Variants in PTPRM observed in about 807,000 individuals in gnomAD.
PTPRM encodes the protein protein tyrosine phosphatase receptor type M, also known as receptor-type tyrosine-protein phosphatase mu.
A neutral mutation model predicts 186.7 loss-of-function variants in PTPRM; 47 were observed. The ratio of observed to expected loss-of-function variants is 0.25; its 90% confidence interval spans 0.20 to 0.32. PTPRM has a LOEUF of 0.32. Among genes scored for constraint, PTPRM ranks in the 10% least tolerant of loss-of-function variants. The pLI is 1.00. For missense variants in PTPRM, 1,494 were observed against 1,865.0 expected, an observed-to-expected ratio of 0.80 and a Z score of 3.66; for synonymous variants, 668 against 674.9, an observed-to-expected ratio of 0.99 and a Z score of 0.16.
At chr18:7,780,705 C>G (rs1024011200) in intron 2 of PTPRM, among the ~76,000 whole-genome samples, 4 of 152,044 alleles carry the variant, frequency 2.6e-5, no homozygotes, top group African/African-American at 9.7e-5. Flanking sequence ...AGGCAGTCCA[C>G]AGGTAAGGGT....
At chr18:7,932,049 G>A (rs79505015) in intron 5 of PTPRM, among the ~76,000 whole-genome samples, 4 of 152,292 alleles carry the variant, frequency 2.6e-5, no homozygotes, top group East Asian at 1.9e-4. Flanking sequence ...TCTTGTAATC[G>A]TTGTAGAGGT....
intron 7 of PTPRM, among the ~76,000 whole-genome samples, chr18:7,964,897 T>C (rs2053921535): frequency 6.6e-6 from 1 of 152,074 alleles, no homozygotes; most frequent in African/African-American, 2.4e-5. Context: ...GGCAAAAAAA[T>C]AGAATAACTG....
At chr18:7,817,202 T>G (rs2044883064) in intron 2 of PTPRM, among the ~76,000 whole-genome samples, 1 of 152,186 alleles carries the variant, frequency 6.6e-6, no homozygotes, top group South Asian at 2.1e-4. Flanking sequence ...CTTGAACTCC[T>G]GACCTCAGGT....
intron 7 of PTPRM, among the ~76,000 whole-genome samples, chr18:8,048,720 A>C (rs2087249060): frequency 6.6e-6 from 1 of 152,202 alleles, no homozygotes; most frequent in African/African-American, 2.4e-5. Context: ...AAAACTATCT[A>C]ATCATAAGAA....
At chr18:8,263,475 T>C (rs950854716) in intron 19 of PTPRM, among the ~76,000 whole-genome samples, 1 of 152,184 alleles carries the variant, frequency 6.6e-6, no homozygotes, top group Non-Finnish European at 1.5e-5. Context: ...AGGAATGAAA[T>C]ATATTTGGTC....
At chr18:8,063,839 G>A (rs1475057861) in intron 7 of PTPRM, among the ~76,000 whole-genome samples, 2 of 152,204 alleles carry the variant, frequency 1.3e-5, no homozygotes, top group Admixed American at 1.3e-4. Context: ...GGTCCAGTAT[G>A]TATTCTTTTA....
At chr18:7,983,234 G>T (rs77735911) in intron 7 of PTPRM, among the ~76,000 whole-genome samples, 3 of 152,000 alleles carry the variant, frequency 2.0e-5, no homozygotes, top group African/African-American at 7.2e-5. Context: ...TTAGATTTTC[G>T]TGGGAGTGCA....
At chr18:7,845,874 T>C (rs922248376) in intron 2 of PTPRM, among the ~76,000 whole-genome samples, 1 of 152,088 alleles carries the variant, frequency 6.6e-6, no homozygotes, top group African/African-American at 2.4e-5. Flanking sequence ...GGGGTCAGTG[T>C]CTAGTGGAGG....
intron 1 of PTPRM, among the ~76,000 whole-genome samples, chr18:7,750,131 T>C (rs1478648689): frequency 6.6e-6 from 1 of 152,222 alleles, no homozygotes; most frequent in Non-Finnish European, 1.5e-5. Context: ...AATTACAGGA[T>C]AGTGTTGTGA....
intron 1 of PTPRM, among the ~76,000 whole-genome samples, chr18:7,578,460 C>T (rs1476727940): frequency 1.3e-5 from 2 of 151,860 alleles, no homozygotes; most frequent in Middle Eastern, 3.4e-3. Flanking sequence ...CTCAGCCTCC[C>T]GAGTAGCTGG....
intron 7 of PTPRM, among the ~76,000 whole-genome samples, chr18:8,057,549 C>A (rs2088107790): frequency 7.3e-6 from 1 of 137,436 alleles, no homozygotes; most frequent in Non-Finnish European, 1.5e-5. Context: ...GTGCGCTGCA[C>A]CCACTAAATC....
At chr18:8,250,631 A>G (rs2094519502) in intron 17 of PTPRM, among the ~76,000 whole-genome samples, 1 of 151,862 alleles carries the variant, frequency 6.6e-6, no homozygotes, top group African/African-American at 2.4e-5. Flanking sequence ...TAATAATAAT[A>G]ATAATAAATT....
intron 24 of PTPRM, among the ~76,000 whole-genome samples, chr18:8,375,806 T>A (rs963380872): frequency 1.3e-5 from 2 of 152,232 alleles, no homozygotes; most frequent in African/African-American, 4.8e-5. Flanking sequence ...GAATTACACC[T>A]AAAAATTAGC....
chr18:7,612,894 G>A (rs755072401), intron 1 of PTPRM, among the ~76,000 whole-genome samples: 4 of 152,182 alleles, frequency 2.6e-5, no homozygotes, highest in African/African-American at 7.2e-5. Context: ...TCGAGTAGAA[G>A]GGAGGGTTCC....
rs1257556593 is a variant in PTPRM at position 7,723,001 on chromosome 18, T to G, written c.74-51148T>G. On this transcript the variant is annotated intron_variant, in intron 1 of 32. Transcript: ENST00000580170. ...CAAGTTTTGGTGAATGGAAAGTTAG[T>G]TTTTTTTTCCAAGAAGCCAGCAACT... Among the ~76,000 whole-genome samples the G allele has an allele frequency of 4.6e-5, 7 of 151,654 alleles. No homozygotes were observed. The East Asian group carries it at 1.4e-3, about 29-fold the overall frequency.
chr18:7,780,889 T>C (rs186138692), intron 2 of PTPRM, among the ~76,000 whole-genome samples: 1 of 152,000 alleles, frequency 6.6e-6, no homozygotes, highest in African/African-American at 2.4e-5. Flanking sequence ...TGATCCAGCG[T>C]AGGGAAGAGC....
At chr18:7,744,936 C>G (rs1277935070) in intron 1 of PTPRM, among the ~76,000 whole-genome samples, 1 of 152,122 alleles carries the variant, frequency 6.6e-6, no homozygotes, top group Admixed American at 6.5e-5. Flanking sequence ...CCCCAGCATG[C>G]CATTTTCTGA....
intron 2 of PTPRM, among the ~76,000 whole-genome samples, chr18:7,797,073 A>T (rs2043700079): frequency 6.6e-6 from 1 of 152,128 alleles, no homozygotes; most frequent in Non-Finnish European, 1.5e-5. Context: ...CCACTCATGT[A>T]CCTGTCCTTT....
At chr18:8,264,837 C>G (rs1490755339) in intron 19 of PTPRM, among the ~76,000 whole-genome samples, 1 of 150,864 alleles carries the variant, frequency 6.6e-6, no homozygotes, top group East Asian at 2.0e-4. Flanking sequence ...ATGTTTATTT[C>G]TAACCACAAT....
Sources: allele counts gnomAD v4.1 joint callset (sites outside exome capture counted in the v4.1 genomes callset), GRCh38; gene constraint gnomAD v4.1.1; transcripts MANE v1.5; gene names NCBI Gene and HGNC (gene_info 2026-07-23, HGNC 2026-07-21).